DNAH7: variants seen among roughly 807,000 people sequenced by gnomAD.
The protein encoded by DNAH7 is axonemal beta dynein heavy chain 7.
In DNAH7, 397 loss-of-function variants were observed where a neutral mutation model predicts 444.6. That is an observed-to-expected ratio of 0.89 (90% CI 0.82 to 0.97). The LOEUF (loss-of-function observed/expected upper bound fraction) is 0.97. DNAH7 is among the 50% of genes least tolerant of loss of function. The pLI is 0.00. For missense variants in DNAH7, 4,902 were observed against 4,800.8 expected, an observed-to-expected ratio of 1.02 and a Z score of -0.62; for synonymous variants, 1,636 against 1,624.4, an observed-to-expected ratio of 1.01 and a Z score of -0.17.
At chr2:195,758,691 A>G (rs925954214) in intron 61 of DNAH7, among the ~76,000 whole-genome samples, 6 of 152,056 alleles carry the variant, frequency 3.9e-5, no homozygotes, top group Admixed American at 2.6e-4. Flanking sequence ...CTCCTCCATC[A>G]CCCGGCAGTG....
intron 60 of DNAH7, among the ~76,000 whole-genome samples, chr2:195,772,541 A>G (rs1694887740): frequency 1.3e-5 from 2 of 152,106 alleles, no homozygotes; most frequent in Admixed American, 1.3e-4. Context: ...TGAAAAAAAA[A>G]TTAAATCCTC....
intron 47 of DNAH7, among the ~76,000 whole-genome samples, chr2:195,837,610 G>A (rs545428523): frequency 2.4e-4 from 36 of 152,186 alleles, no homozygotes; most frequent in African/African-American, 8.7e-4. Context: ...ATGACCATAT[G>A]TGAGCCAGAG....
chr2:195,759,847 TA>T (rs996162985), intron 61 of DNAH7, among the ~76,000 whole-genome samples: 29 of 151,704 alleles, frequency 1.9e-4, no homozygotes, highest in African/African-American at 6.5e-4. Flanking sequence ...GTGAGACCCT[TA>T]AAAAAAATTG....
At chr2:195,983,470 A>T (rs774146929) in intron 15 of DNAH7, among the ~76,000 whole-genome samples, 2 of 152,150 alleles carry the variant, frequency 1.3e-5, no homozygotes, top group African/African-American at 2.4e-5. Flanking sequence ...GAGGGGGAGC[A>T]GAAGAGAAAG....
chr2:196,054,753 C>T (rs542751039), intron 2 of DNAH7, among the ~76,000 whole-genome samples: 3 of 152,154 alleles, frequency 2.0e-5, no homozygotes, highest in South Asian at 4.2e-4. Flanking sequence ...AGCAGTTTCC[C>T]CCATGCTAGT....
At position 195,875,684 on chromosome 2, in the gene DNAH7, C is replaced by A; in HGVS notation, c.6277G>T (p.Gly2093Ter). The A allele has an allele frequency of 6.3e-7, 1 of 1,583,306 alleles. No homozygotes were observed. Among genetic ancestry groups the A allele is most frequent in the East Asian group, 2.2e-5 (1 of 44,456 alleles). Residue 2093 changes from glycine (G) to a stop codon, truncating the protein, a stop_gained, in exon 38 of 65, where the codon GGA (glycine) becomes TGA (stop). Transcript: ENST00000312428. LOFTEE classifies it high-confidence loss of function. ...LVDIQIMCAMGPPGGGRNPVT... is the reference protein window; with the variant it reads ...LVDIQIMCAM The stretch of plus-strand genomic sequence containing the variant: ...AACTCAAAAAATGTACCTGGAGGTC[C>A]CATAGCACACATGATCTGAATGTCC...
At chr2:195,773,562 CAACT>C (rs1694938976) in intron 60 of DNAH7, among the ~76,000 whole-genome samples, 1 of 152,024 alleles carries the variant, frequency 6.6e-6, no homozygotes, top group South Asian at 2.1e-4. Context: ...AAGTAATATC[CAACT>C]GATACTGATA....
intron 58 of DNAH7, among the ~76,000 whole-genome samples, chr2:195,783,397 A>T (rs1559093475): frequency 6.6e-6 from 1 of 151,902 alleles, no homozygotes; most frequent in African/African-American, 2.4e-5. Context: ...GGCAGGCCAC[A>T]CTCTCTCTCA....
At chr2:195,857,843 G>T in intron 43 of DNAH7, 120 bp from the exon 44 acceptor site, 1 of 882,780 alleles carries the variant, frequency 1.1e-6, no homozygotes, top group Non-Finnish European at 1.7e-6. Flanking sequence ...TAGAAATGGT[G>T]ACAGTAATAG....
intron 59 of DNAH7, 35 bp from the exon 60 acceptor site, chr2:195,776,018 G>A: frequency 1.1e-5 from 17 of 1,606,382 alleles, no homozygotes; most frequent in Non-Finnish European, 1.4e-5. Flanking sequence ...CAGGAGGTTA[G>A]AAATCAATTA....
chr2:195,898,399 A>G (rs1410654973), intron 28 of DNAH7, among the ~76,000 whole-genome samples: 1 of 151,734 alleles, frequency 6.6e-6, no homozygotes, highest in Non-Finnish European at 1.5e-5. Context: ...CTTCAGTTTT[A>G]TACACACTTC....
At chr2:195,776,819 G>A (rs1245537135) in intron 59 of DNAH7, among the ~76,000 whole-genome samples, 1 of 151,930 alleles carries the variant, frequency 6.6e-6, no homozygotes, top group Admixed American at 6.6e-5. Flanking sequence ...TACCTTCCTT[G>A]ATGCTCATAG....
At chr2:195,754,950 C>T (rs759044051) in intron 62 of DNAH7, among the ~76,000 whole-genome samples, 7 of 152,200 alleles carry the variant, frequency 4.6e-5, no homozygotes, top group African/African-American at 7.2e-5. Context: ...GTGGTATATT[C>T]GGTATTTGTC....
intron 3 of DNAH7, among the ~76,000 whole-genome samples, chr2:196,049,492 G>A (rs915323779): frequency 1.3e-5 from 2 of 152,228 alleles, no homozygotes; most frequent in African/African-American, 4.8e-5. Context: ...GTCACCTCTA[G>A]AAGCCTGAAG....
intron 22 of DNAH7, among the ~76,000 whole-genome samples, chr2:195,924,871 A>T (rs895750356): frequency 1.7e-4 from 26 of 152,188 alleles, no homozygotes; most frequent in African/African-American, 6.3e-4. Flanking sequence ...AAAAGACAAA[A>T]ATAAAATTAT....
rs371666766 is a variant in DNAH7 at position 195,809,749 on chromosome 2, C to T, written c.9884G>A (p.Arg3295Gln). 2.0e-5 allele frequency: 31 copies of T among 1,579,606 alleles called. No individual in the cohort carries two copies. Among genetic ancestry groups the T allele is most frequent in the South Asian group, 4.7e-5 (4 of 84,274 alleles). ...CLTINLLLHERAINKAEWRFL... is the reference protein window; with the variant it reads ...CLTINLLLHEQAINKAEWRFL... Reference sequence around the variant, plus strand: ...ACAAATGAAAACAGTACTGACCGCCCGCTCATGCAGCAGTAGATTTATGGT... The same window carrying T: ...ACAAATGAAAACAGTACTGACCGCCTGCTCATGCAGCAGTAGATTTATGGT... The change falls in exon 52 of 65, where the codon CGG becomes CAG. Residue 3295 changes from arginine to glutamine, a missense_variant. Arg to Gln is a conservative substitution (Grantham distance 43, BLOSUM62 1). Coordinates refer to ENST00000312428, the MANE Select transcript of DNAH7 (RefSeq NM_018897.3).
chr2:196,051,376 T>C, intron 2 of DNAH7, 127 bp from the exon 3 acceptor site: 1 of 717,116 alleles, frequency 1.4e-6, no homozygotes, highest in East Asian at 2.6e-5. Flanking sequence ...AAAGATAAAC[T>C]TTACTGCTTT....
intron 19 of DNAH7, among the ~76,000 whole-genome samples, chr2:195,948,347 T>G (rs921583658): frequency 6.6e-6 from 1 of 152,242 alleles, no homozygotes; most frequent in Non-Finnish European, 1.5e-5. Flanking sequence ...TTTGGTGTTT[T>G]AGTCTTGAAG....
At chr2:195,940,024 T>C (rs1357903755) in intron 19 of DNAH7, among the ~76,000 whole-genome samples, 1 of 152,144 alleles carries the variant, frequency 6.6e-6, no homozygotes, top group Non-Finnish European at 1.5e-5. Context: ...AGAAACTACT[T>C]TAAATTTCAC....
Sources: allele counts gnomAD v4.1 joint callset (sites outside exome capture counted in the v4.1 genomes callset), GRCh38; gene constraint gnomAD v4.1.1; transcripts MANE v1.5; gene names NCBI Gene and HGNC (gene_info 2026-07-23, HGNC 2026-07-21).